Variants in OPCML observed in about 807,000 individuals in gnomAD.
OPCML encodes the protein opioid binding protein/cell adhesion molecule like, also known as opioid-binding protein/cell adhesion molecule.
OPCML carries 13 observed loss-of-function variants against 37.8 expected under a neutral mutation model. The ratio of observed to expected loss-of-function variants is 0.34; its 90% CI spans 0.22 to 0.55. OPCML has a LOEUF of 0.55. Among genes scored for constraint, OPCML ranks in the 20% least tolerant of loss-of-function variants. The probability of loss-of-function intolerance (pLI) is 0.91; values close to 1 mark genes in which losing one functional copy is unlikely to be tolerated. For missense variants in OPCML, 341 were observed against 435.6 expected (o/e 0.78, Z 1.93); for synonymous variants, 176 against 168.8 (o/e 1.04, Z -0.33).
intron 2 of OPCML, chr11:132,810,688 C>G (rs1289167499): frequency 6.6e-6 from 1 of 152,160 alleles, no homozygotes; most frequent in Non-Finnish European, 1.5e-5. Flanking sequence ...GAGACTCCAT[C>G]TCAAAAATAA....
At chr11:132,570,816 G>C (rs2096436571) in intron 3 of OPCML, among the ~76,000 whole-genome samples, 1 of 127,016 alleles carries the variant, frequency 7.9e-6, no homozygotes, top group African/African-American at 2.9e-5. Context: ...GAGAGAGAGA[G>C]AGAGGATATA....
At chr11:132,859,555 C>T (rs1190405278) in intron 2 of OPCML, 2 of 152,178 alleles carry the variant, frequency 1.3e-5, no homozygotes, top group South Asian at 4.1e-4. Flanking sequence ...TCCAAGAAAG[C>T]TTTAGGAGCA....
chr11:132,485,687 A>G (rs1381936797), intron 4 of OPCML, among the ~76,000 whole-genome samples: 27 of 152,172 alleles, frequency 1.8e-4, no homozygotes, highest in Non-Finnish European at 1.5e-5. Flanking sequence ...TGCTTAACCT[A>G]ATTTGTTTAT....
chr11:133,182,043 GTTC>G (rs76280061), intron 1 of OPCML, among the ~76,000 whole-genome samples: 22,384 of 152,116 alleles, frequency 0.15, 1,670 homozygotes, highest in Admixed American at 0.2. Context: ...TGTCACTGTT[GTTC>G]TTCTGGAAGA....
chr11:133,314,501 A>G (rs796841250), intron 1 of OPCML, among the ~76,000 whole-genome samples: 57 of 150,978 alleles, frequency 3.8e-4, no homozygotes, highest in African/African-American at 1.4e-3. Context: ...CACACTATTC[A>G]TCTCTACAGC....
intron 1 of OPCML, among the ~76,000 whole-genome samples, chr11:133,172,874 G>C (rs1267530204): frequency 6.6e-6 from 1 of 152,086 alleles, no homozygotes; most frequent in East Asian, 1.9e-4. Flanking sequence ...TATTAAATAC[G>C]TTATCTCATT....
intron 3 of OPCML, among the ~76,000 whole-genome samples, chr11:132,595,298 GTAA>G (rs557157689): frequency 3.3e-5 from 5 of 152,226 alleles, no homozygotes; most frequent in African/African-American, 9.6e-5. Flanking sequence ...CGTTGTGCAA[GTAA>G]TAATAATAAT....
intron 1 of OPCML, among the ~76,000 whole-genome samples, chr11:132,951,770 CTG>C (rs1345109196): frequency 6.6e-6 from 1 of 152,062 alleles, no homozygotes; most frequent in Non-Finnish European, 1.5e-5. Flanking sequence ...GGCTTTTTTT[CTG>C]TGTGTGTATA....
chr11:133,148,216 G>A (rs1338690907), intron 1 of OPCML, among the ~76,000 whole-genome samples: 1 of 152,158 alleles, frequency 6.6e-6, no homozygotes, highest in Non-Finnish European at 1.5e-5. Flanking sequence ...CTCCTCACGA[G>A]GTAGCCTCTC....
intron 1 of OPCML, among the ~76,000 whole-genome samples, chr11:133,519,437 G>A (rs1948355804): frequency 6.6e-6 from 1 of 152,194 alleles, no homozygotes; most frequent in Admixed American, 6.5e-5. Context: ...ACAACAGAAG[G>A]ACGAGGGAAA....
intron 1 of OPCML, among the ~76,000 whole-genome samples, chr11:132,988,144 G>C (rs1205704871): frequency 6.6e-6 from 1 of 152,108 alleles, no homozygotes; most frequent in African/African-American, 2.4e-5. Flanking sequence ...TGACAGAAAA[G>C]GAACAAGATC....
chr11:132,545,692 A>G (rs2096367181), intron 3 of OPCML, among the ~76,000 whole-genome samples: 1 of 152,202 alleles, frequency 6.6e-6, no homozygotes, highest in African/African-American at 2.4e-5. Flanking sequence ...TATTATCATC[A>G]TCCTTCCTAA....
intron 1 of OPCML, among the ~76,000 whole-genome samples, chr11:132,953,110 T>C (rs1945897075): frequency 6.6e-6 from 1 of 152,178 alleles, no homozygotes; most frequent in African/African-American, 2.4e-5. Flanking sequence ...TCTTTTTCCT[T>C]CCAAGTTTCT....
chr11:133,088,596 T>G lies in OPCML; in HGVS notation c.62-145586A>C, dbSNP rs548487150. On this transcript the variant is annotated intron_variant, in intron 1 of 7. Coordinates refer to ENST00000524381, the MANE Select transcript of OPCML (RefSeq NM_001012393.5). Reference sequence around the variant, plus strand: ...AAAGGGGATTGCAATAAAAATCACTTGATATCAAGCTAAAACATGCGGTGG... The same window carrying G: ...AAAGGGGATTGCAATAAAAATCACTGGATATCAAGCTAAAACATGCGGTGG... 2.6e-5 allele frequency among the ~76,000 whole-genome samples: 4 copies of G among 152,338 alleles called. No individual in the cohort carries two copies. The East Asian group carries it at 7.7e-4, about 29-fold the overall frequency.
chr11:133,504,188 T>C (rs926804609), intron 1 of OPCML, among the ~76,000 whole-genome samples: 4 of 152,160 alleles, frequency 2.6e-5, no homozygotes, highest in African/African-American at 9.7e-5. Flanking sequence ...GAAAAGAAAC[T>C]AGATTAAGCT....
chr11:132,746,227 A>G (rs1385098794), intron 2 of OPCML, among the ~76,000 whole-genome samples: 1 of 152,098 alleles, frequency 6.6e-6, no homozygotes, highest in African/African-American at 2.4e-5. Context: ...AACAGACAGA[A>G]CTTGAGGCTT....
chr11:132,578,139 G>A (rs574769421), intron 3 of OPCML, among the ~76,000 whole-genome samples: 2 of 152,240 alleles, frequency 1.3e-5, no homozygotes, highest in South Asian at 4.1e-4. Flanking sequence ...GAATTTCCAG[G>A]CTTTCAACAA....
chr11:132,614,577 T>C (rs1938871045), intron 3 of OPCML, among the ~76,000 whole-genome samples: 2 of 152,168 alleles, frequency 1.3e-5, no homozygotes, highest in Admixed American at 1.3e-4. Context: ...GAGCTGCTTA[T>C]GTAGGACAAG....
intron 2 of OPCML, among the ~76,000 whole-genome samples, chr11:132,714,723 C>G (rs1944403012): frequency 6.6e-6 from 1 of 152,074 alleles, no homozygotes; most frequent in African/African-American, 2.4e-5. Flanking sequence ...AATTAGCACC[C>G]CTGCGGCCTG....
Sources: gnomAD v4.1 joint callset for allele counts (sites outside exome capture counted in the v4.1 genomes callset) on GRCh38, gnomAD v4.1.1 for gene constraint, MANE v1.5 for transcripts, NCBI Gene and HGNC (gene_info 2026-07-23, HGNC 2026-07-21) for gene names.